The following OLA1 variants were observed in gnomAD, a reference collection of about 807,000 sequenced individuals.
The protein encoded by OLA1 is Obg like ATPase 1.
A neutral mutation model predicts 48.4 loss-of-function variants in OLA1; 14 were observed. The ratio of observed to expected loss-of-function variants is 0.29; its 90% CI spans 0.19 to 0.45. The LOEUF (loss-of-function observed/expected upper bound fraction) is 0.45, where lower values mean the gene tolerates loss of function less well. OLA1 is among the 20% of genes least tolerant of loss of function. OLA1 has a pLI of 1.00. For missense variants in OLA1, 325 were observed against 467.1 expected (o/e 0.70, Z 2.80); for synonymous variants, 127 against 150.4 (o/e 0.84, Z 1.14).
chr2:174,118,186 C>T (rs185811389), intron 7 of OLA1, among the ~76,000 whole-genome samples: 3 of 152,304 alleles, frequency 2.0e-5, no homozygotes, highest in East Asian at 3.9e-4. Context: ...GCGGTCCAAT[C>T]GTCTCATACC....
At chr2:174,193,090 T>TC (rs1288297011) in intron 4 of OLA1, among the ~76,000 whole-genome samples, 14 of 110,886 alleles carry the variant, frequency 1.3e-4, no homozygotes, top group Admixed American at 8.5e-4. Flanking sequence ...TTTCTTTCTT[T>TC]CTTTTTTTTT....
intron 7 of OLA1, among the ~76,000 whole-genome samples, chr2:174,121,105 C>G (rs984912861): frequency 1.3e-5 from 2 of 152,112 alleles, no homozygotes; most frequent in Non-Finnish European, 2.9e-5. Flanking sequence ...CATCTGCTTT[C>G]AGTGTTATAA....
chr2:174,156,699 C>G (rs1686892161), intron 4 of OLA1, among the ~76,000 whole-genome samples: 1 of 151,350 alleles, frequency 6.6e-6, no homozygotes, highest in African/African-American at 2.4e-5. Flanking sequence ...ATTCTCCTGC[C>G]TCAGCCTCCG....
intron 7 of OLA1, among the ~76,000 whole-genome samples, chr2:174,096,964 T>G (rs1685270150): frequency 6.6e-6 from 1 of 152,204 alleles, no homozygotes; most frequent in Non-Finnish European, 1.5e-5. Context: ...GAGACCAGCC[T>G]GGCCAACATG....
chr2:174,166,078 T>C (rs1335447654), intron 4 of OLA1, among the ~76,000 whole-genome samples: 1 of 150,064 alleles, frequency 6.7e-6, no homozygotes, highest in African/African-American at 2.5e-5. Flanking sequence ...TGAGCAGAGA[T>C]CGTGCCACTG....
At chr2:174,143,544 T>C (rs1558974237) in intron 4 of OLA1, among the ~76,000 whole-genome samples, 2 of 152,202 alleles carry the variant, frequency 1.3e-5, no homozygotes, top group Non-Finnish European at 2.9e-5. Flanking sequence ...ATATCCTATA[T>C]AGTTGTCTCT....
At chr2:174,098,132 T>A (rs558526990) in intron 7 of OLA1, among the ~76,000 whole-genome samples, 1 of 152,168 alleles carries the variant, frequency 6.6e-6, no homozygotes, top group African/African-American at 2.4e-5. Flanking sequence ...AAAGTTTCAA[T>A]AGTTTAGTTA....
At chr2:174,222,187 A>G (rs568785354) in intron 4 of OLA1, among the ~76,000 whole-genome samples, 3 of 152,286 alleles carry the variant, frequency 2.0e-5, no homozygotes, top group South Asian at 4.1e-4. Flanking sequence ...ACAGAGGTAA[A>G]TGGTGTTTTA....
chr2:174,168,701 A>T (rs1687224646), intron 4 of OLA1, among the ~76,000 whole-genome samples: 1 of 152,070 alleles, frequency 6.6e-6, no homozygotes, highest in South Asian at 2.1e-4. Context: ...AGAAGAAGAA[A>T]GGAGGGCAGG....
At chr2:174,124,682 T>A (rs1686006649) in intron 5 of OLA1, among the ~76,000 whole-genome samples, 1 of 152,236 alleles carries the variant, frequency 6.6e-6, no homozygotes, top group South Asian at 2.1e-4. Flanking sequence ...TTTATGGATA[T>A]GTTTTAAATA....
chr2:174,144,951 AAT>A (rs71021672), intron 4 of OLA1, among the ~76,000 whole-genome samples: 741 of 40,236 alleles, frequency 0.018, 18 homozygotes, highest in South Asian at 0.038. Flanking sequence ...AAAAAAAAAA[AAT>A]ATATATATAT....
rs1684664536 is a variant in OLA1, at chr2:174,073,873, T to C, written c.*1553A>G. Reference sequence around the variant, plus strand: ...CAGCTATACCTGTAGCCTAGTTTTATTTGTTTTATTTAGTTCTTTTAAAAA... The same window carrying C: ...CAGCTATACCTGTAGCCTAGTTTTACTTGTTTTATTTAGTTCTTTTAAAAA... On this transcript the variant is annotated 3_prime_UTR_variant, in exon 11 of 11. Coordinates refer to ENST00000284719, the MANE Select transcript of OLA1 (RefSeq NM_013341.5). The C allele has an allele frequency of 6.6e-6, 1 of 152,250 alleles. No individual in the cohort carries two copies. The highest frequency in any genetic ancestry group is 1.5e-5 in the Non-Finnish European group (1 of 68,036). 9.4% of individuals were successfully genotyped at this position (152,250 alleles called of 1,614,324 possible). A position where few individuals can be genotyped will look rare whatever the true frequency, so the allele number is the denominator to read the frequency against.
intron 10 of OLA1, among the ~76,000 whole-genome samples, chr2:174,076,394 A>T (rs1301244264): frequency 6.6e-6 from 1 of 152,186 alleles, no homozygotes; most frequent in East Asian, 1.9e-4. Flanking sequence ...TCGACTCCTC[A>T]ACAATAAGGA....
At chr2:174,164,376 T>TACCATTCTGCATAGTGCAGAATGGAC (rs1329869737) in intron 4 of OLA1, among the ~76,000 whole-genome samples, 1 of 152,134 alleles carries the variant, frequency 6.6e-6, no homozygotes, top group African/African-American at 2.4e-5. Flanking sequence ...GCAGAATGGA[T>TACCATTCTGCATAGTGCAGAATGGAC]ACCATTCTGT....
At chr2:174,172,075 A>C (rs1687317533) in intron 4 of OLA1, 1 of 211,286 alleles carries the variant, frequency 4.7e-6, no homozygotes, top group Non-Finnish European at 1.0e-5. Flanking sequence ...ATTCATCAAC[A>C]GGAATGACAC....
chr2:174,147,880 G>A (rs1041127407), intron 4 of OLA1, among the ~76,000 whole-genome samples: 1 of 152,146 alleles, frequency 6.6e-6, no homozygotes, highest in Non-Finnish European at 1.5e-5. Flanking sequence ...CTGGAGTGTA[G>A]TGGTGGGATC....
chr2:174,172,958 C>T (rs988341894), intron 4 of OLA1, among the ~76,000 whole-genome samples: 2 of 152,052 alleles, frequency 1.3e-5, no homozygotes, highest in Non-Finnish European at 2.9e-5. Flanking sequence ...CTCACTTGTT[C>T]CCTCTCTAGC....
chr2:174,144,514 G>C (rs1180584641), intron 4 of OLA1, among the ~76,000 whole-genome samples: 2 of 152,034 alleles, frequency 1.3e-5, no homozygotes, highest in Non-Finnish European at 2.9e-5. Context: ...TGGCCATTTG[G>C]GTAACTTCTC....
At chr2:174,121,264 A>G (rs913747028) in intron 7 of OLA1, among the ~76,000 whole-genome samples, 1 of 152,204 alleles carries the variant, frequency 6.6e-6, no homozygotes, top group Admixed American at 6.5e-5. Context: ...GCTCCAGTAG[A>G]TGCCATTCCC....
Sources: allele counts gnomAD v4.1 joint callset (sites outside exome capture counted in the v4.1 genomes callset), GRCh38; gene constraint gnomAD v4.1.1; transcripts MANE v1.5; gene names NCBI Gene and HGNC (gene_info 2026-07-23, HGNC 2026-07-21).